GRIK1: variants seen among roughly 807,000 people sequenced by gnomAD.
The protein encoded by GRIK1 is glutamate receptor ionotropic, kainate 1.
GRIK1 carries 69 observed loss-of-function variants against 105.7 expected under a neutral mutation model. The ratio of observed to expected loss-of-function variants is 0.65; its 90% confidence interval spans 0.54 to 0.80. The LOEUF is 0.80. GRIK1 is among the 30% of genes least tolerant of loss of function. GRIK1 has a pLI of 0.00. For synonymous variants in GRIK1, 438 were observed against 431.3 expected, an observed-to-expected ratio of 1.02 and a Z score of -0.19; for missense variants, 1,109 against 1,167.3, an observed-to-expected ratio of 0.95 and a Z score of 0.73.
chr21:29,596,348 G>C, intron 9 of GRIK1, 178 bp downstream of exon 9: 1 of 725,912 alleles, frequency 1.4e-6, no homozygotes. Context: ...TCAATTCACA[G>C]GTGATGTTGT....
intron 1 of GRIK1, among the ~76,000 whole-genome samples, chr21:29,848,876 G>C (rs990151944): frequency 2.0e-5 from 3 of 146,816 alleles, no homozygotes; most frequent in Non-Finnish European, 4.5e-5. Flanking sequence ...CTTAAATGTC[G>C]TCTCTTATGG....
intron 7 of GRIK1, among the ~76,000 whole-genome samples, chr21:29,610,830 G>T (rs1308960737): frequency 6.6e-6 from 1 of 152,134 alleles, no homozygotes; most frequent in East Asian, 1.9e-4. Context: ...TTCTGAAAAT[G>T]CAATGAGAGA....
intron 1 of GRIK1, among the ~76,000 whole-genome samples, chr21:29,850,395 T>C (rs1362804730): frequency 6.6e-6 from 1 of 152,152 alleles, no homozygotes; most frequent in African/African-American, 2.4e-5. Context: ...TGTTATCCAT[T>C]TCTAAGGTGT....
chr21:29,623,961 C>A (rs777651056), intron 7 of GRIK1, among the ~76,000 whole-genome samples: 21 of 152,156 alleles, frequency 1.4e-4, no homozygotes, highest in Non-Finnish European at 2.6e-4. Flanking sequence ...TAATTGCCAT[C>A]TTTGGCTGAA....
Position 29,779,536 on chromosome 21 carries a change from A to T in GRIK1, c.119-85473T>A, listed in dbSNP as rs541745331. ...GTGTGTGTGATCCCAACTAAAGTTA[A>T]TGTGTCATTTCTGACATAATTATCT... On this transcript the variant is annotated intron_variant, in intron 1 of 17. Coordinates refer to ENST00000327783, the MANE Select transcript of GRIK1 (RefSeq NM_001330994.2). 1.6e-4 allele frequency among the ~76,000 whole-genome samples: 25 copies of T among 151,928 alleles called. No individual in the cohort carries two copies. In the South Asian group the frequency reaches 5.0e-3, roughly 30 times the overall value.
chr21:29,871,004 C>T (rs1045401260), intron 1 of GRIK1, among the ~76,000 whole-genome samples: 2 of 152,084 alleles, frequency 1.3e-5, no homozygotes, highest in African/African-American at 2.4e-5. Flanking sequence ...GATCAAGGTG[C>T]CTTGCAAATG....
intron 1 of GRIK1, among the ~76,000 whole-genome samples, chr21:29,822,030 T>C (rs2067320276): frequency 6.6e-6 from 1 of 152,204 alleles, no homozygotes; most frequent in Admixed American, 6.6e-5. Flanking sequence ...AGGTCAACTG[T>C]ACATGTATTG....
intron 15 of GRIK1, among the ~76,000 whole-genome samples, chr21:29,558,940 T>A (rs916720715): frequency 6.6e-6 from 1 of 152,126 alleles, no homozygotes; most frequent in African/African-American, 2.4e-5. Context: ...GGAATGTCAA[T>A]TAAAAGTCTC....
At chr21:29,546,471 G>C (rs2090052680) in intron 16 of GRIK1, among the ~76,000 whole-genome samples, 1 of 152,186 alleles carries the variant, frequency 6.6e-6, no homozygotes, top group African/African-American at 2.4e-5. Context: ...TTTTTCTGTG[G>C]TTTCTATTCT....
intron 1 of GRIK1, among the ~76,000 whole-genome samples, chr21:29,897,309 T>C (rs539464099): frequency 4.1e-4 from 62 of 152,300 alleles, no homozygotes; most frequent in Admixed American, 1.3e-3. Context: ...ATCCTGACAG[T>C]AAAGCATGCC....
intron 14 of GRIK1, among the ~76,000 whole-genome samples, chr21:29,571,864 T>G (rs1012456683): frequency 6.6e-6 from 1 of 152,224 alleles, no homozygotes; most frequent in Admixed American, 6.5e-5. Flanking sequence ...GAGAAAACGT[T>G]TCTCATTAGA....
chr21:29,620,812 T>TATAGATAGATAGATAG (rs1555851220), intron 7 of GRIK1, among the ~76,000 whole-genome samples: 125 of 117,442 alleles, frequency 1.1e-3, no homozygotes, highest in African/African-American at 5.1e-3. Context: ...TATAGATATA[T>TATAGATAGATAGATAG]ATATATAGTA....
At chr21:29,572,588 A>G (rs1287636867) in intron 14 of GRIK1, among the ~76,000 whole-genome samples, 3 of 152,172 alleles carry the variant, frequency 2.0e-5, no homozygotes, top group Admixed American at 6.5e-5. Context: ...ACTTAATGTC[A>G]TACAAAGAAG....
intron 1 of GRIK1, among the ~76,000 whole-genome samples, chr21:29,869,812 A>G (rs1293689072): frequency 1.3e-5 from 2 of 152,202 alleles, no homozygotes. Flanking sequence ...CAAACCCTCC[A>G]CAGCTAGTAA....
At chr21:29,824,169 T>C (rs537257207) in intron 1 of GRIK1, among the ~76,000 whole-genome samples, 5 of 151,948 alleles carry the variant, frequency 3.3e-5, no homozygotes, top group African/African-American at 4.8e-5. Flanking sequence ...TTATACACTA[T>C]AAATATATAA....
At chr21:29,820,786 G>A (rs889760428) in intron 1 of GRIK1, among the ~76,000 whole-genome samples, 13 of 151,974 alleles carry the variant, frequency 8.6e-5, no homozygotes, top group South Asian at 2.1e-4. Context: ...ACATACATAC[G>A]TTAATTGATT....
intron 7 of GRIK1, among the ~76,000 whole-genome samples, chr21:29,608,654 A>G (rs1363028514): frequency 6.6e-6 from 1 of 152,110 alleles, no homozygotes; most frequent in African/African-American, 2.4e-5. Context: ...CATTCCCATC[A>G]TCAACACGTG....
At chr21:29,847,090 C>A (rs1208023435) in intron 1 of GRIK1, among the ~76,000 whole-genome samples, 1 of 152,062 alleles carries the variant, frequency 6.6e-6, no homozygotes, top group African/African-American at 2.4e-5. Context: ...TTATCTTCTC[C>A]ATTTCTCTGT....
chr21:29,717,734 G>A (rs1425479774), intron 1 of GRIK1, among the ~76,000 whole-genome samples: 2 of 152,186 alleles, frequency 1.3e-5, no homozygotes, highest in African/African-American at 4.8e-5. Context: ...TTTGGACTTG[G>A]ACTTTTGGGT....
Sources: allele counts gnomAD v4.1 joint callset (sites outside exome capture counted in the v4.1 genomes callset), GRCh38; gene constraint gnomAD v4.1.1; transcripts MANE v1.5; gene names NCBI Gene and HGNC (gene_info 2026-07-23, HGNC 2026-07-21).